NRCAM: variants seen among roughly 807,000 people sequenced by gnomAD.
NRCAM encodes the protein NgCAM-related cell adhesion molecule.
In NRCAM, 83 loss-of-function variants were observed where a neutral mutation model predicts 156.5. That is an observed-to-expected ratio of 0.53 (90% CI 0.44 to 0.64). The LOEUF (loss-of-function observed/expected upper bound fraction) is 0.64, where lower values mean the gene tolerates loss of function less well. Among genes scored for constraint, NRCAM ranks in the 30% least tolerant of loss-of-function variants. NRCAM has a pLI of 0.00. For missense variants in NRCAM, 1,417 were observed against 1,597.3 expected, an observed-to-expected ratio of 0.89 and a Z score of 1.92; for synonymous variants, 538 against 563.9, an observed-to-expected ratio of 0.95 and a Z score of 0.65.
intron 12 of NRCAM, among the ~76,000 whole-genome samples, chr7:108,208,139 CAAAA>C (rs10616664): frequency 1.2e-4 from 17 of 140,416 alleles, no homozygotes; most frequent in African/African-American, 2.4e-4. Flanking sequence ...ATTAAAAATA[CAAAA>C]AAAAAAAAAA....
At chr7:108,337,961 C>T (rs1225424143) in intron 2 of NRCAM, among the ~76,000 whole-genome samples, 2 of 152,186 alleles carry the variant, frequency 1.3e-5, no homozygotes, top group African/African-American at 4.8e-5. Context: ...CGGTTAAAAA[C>T]GATTAGCGTG....
At chr7:108,424,088 C>A (rs970456335) in intron 1 of NRCAM, among the ~76,000 whole-genome samples, 11 of 152,194 alleles carry the variant, frequency 7.2e-5, no homozygotes, top group African/African-American at 2.4e-4. Context: ...CTCTTTGAGC[C>A]CACCGACCTT....
intron 20 of NRCAM, among the ~76,000 whole-genome samples, chr7:108,188,399 G>GTA (rs1554530060): frequency 1.7e-4 from 17 of 101,324 alleles, no homozygotes; most frequent in East Asian, 1.1e-3. Flanking sequence ...GTGTGTGTGT[G>GTA]TATATATACA....
In NRCAM at chr7:108,195,791, A is replaced by T; in HGVS notation, c.1433T>A (p.Phe478Tyr). 6.2e-7 allele frequency: 1 copy of T among 1,612,344 alleles called. No individual in the cohort carries two copies. Among genetic ancestry groups the T allele is most frequent in the Non-Finnish European group, 8.5e-7 (1 of 1,178,552 alleles). ...GATGGTTGGGAGAGGAGACCCAAAG[A>T]AGGCACAGTCTAGTAAAGCAGGCCT... ...ANRPALLDCA[F>Y]FGSPLPTIEW... Residue 478 changes from phenylalanine to tyrosine, a missense_variant, in exon 15 of 33, where the codon TTC becomes TAC. Phe to Tyr is a conservative substitution (Grantham distance 22). This residue lies in a region of NRCAM where 1,238 missense variants were observed against 1,336.4 expected (regional missense o/e 0.93). Transcript: ENST00000379028.
At chr7:108,294,315 GCCC>G (rs2098408846) in intron 3 of NRCAM, among the ~76,000 whole-genome samples, 1 of 144,512 alleles carries the variant, frequency 6.9e-6, no homozygotes, top group African/African-American at 2.5e-5. Context: ...ATGGGCTCCT[GCCC>G]AGAAGGGCTA....
At position 108,184,457 on chromosome 7, in the gene NRCAM, C is replaced by T; in HGVS notation, c.2193G>A (p.Leu731=). ...AATACTGCTCAGACGCCTCGCTGGG[C>T]AAGCTCTTCCCAATGCTGTTCACTG... ...VMAVNSIGKS[L]PSEASEQYLT... Residue 731 remains leucine, a synonymous_variant, in exon 21 of 33, where the codon TTG becomes TTA. Coordinates refer to ENST00000379028, the MANE Select transcript of NRCAM (RefSeq NM_001037132.4). 6.2e-7 allele frequency: 1 copy of T among 1,614,194 alleles called. No homozygotes were observed. The highest frequency in any genetic ancestry group is 1.1e-5 in the South Asian group (1 of 91,084).
chr7:108,158,990 C>G (rs1287853040), intron 32 of NRCAM, among the ~76,000 whole-genome samples: 1 of 152,138 alleles, frequency 6.6e-6, no homozygotes, highest in Non-Finnish European at 1.5e-5. Context: ...ACAATCTAGT[C>G]ACCATTTCAT....
rs1283157120 is a variant in NRCAM at position 108,148,874 on chromosome 7, T to C, written c.*1036A>G. ...TCAGTTGGCAACAAAGATTTTCTTT[T>C]TATGCTTATGAGGAAATGCTATTTC... On this transcript the variant is annotated 3_prime_UTR_variant, in exon 33 of 33. Coordinates refer to ENST00000379028, the MANE Select transcript of NRCAM (RefSeq NM_001037132.4). The C allele has an allele frequency of 1.3e-5, 2 of 152,616 alleles. No individual in the cohort carries two copies. Among genetic ancestry groups the C allele is most frequent in the Non-Finnish European group, 2.9e-5 (2 of 68,046 alleles). The allele number at this position is 152,616 out of a possible 1,614,324, so 9.5% of individuals were successfully genotyped here. A position where few individuals can be genotyped will look rare whatever the true frequency, so the allele number is the denominator to read the frequency against.
At chr7:108,293,892 C>T (rs553115344) in intron 3 of NRCAM, among the ~76,000 whole-genome samples, 5 of 152,280 alleles carry the variant, frequency 3.3e-5, no homozygotes, top group African/African-American at 1.2e-4. Flanking sequence ...GCTCTTTCCA[C>T]TATCACACAT....
chr7:108,204,397 C>G (rs1157940557), intron 13 of NRCAM, among the ~76,000 whole-genome samples: 2 of 152,234 alleles, frequency 1.3e-5, no homozygotes, highest in Non-Finnish European at 2.9e-5. Context: ...AGGGGCAGGG[C>G]ACAGCTGTAC....
chr7:108,196,192 A>G (rs1424159333), intron 14 of NRCAM, among the ~76,000 whole-genome samples: 2 of 152,226 alleles, frequency 1.3e-5, no homozygotes, highest in African/African-American at 4.8e-5. Context: ...ACAGCCAAGT[A>G]TATTTTTGTT....
intron 32 of NRCAM, among the ~76,000 whole-genome samples, chr7:108,152,023 G>A (rs1437237719): frequency 1.3e-5 from 2 of 152,128 alleles, no homozygotes; most frequent in Admixed American, 1.3e-4. Context: ...GATTGTTCTC[G>A]GCACTGGGAA....
At chr7:108,455,904 C>T (rs1296699268) in intron 1 of NRCAM, among the ~76,000 whole-genome samples, 3 of 152,184 alleles carry the variant, frequency 2.0e-5, no homozygotes, top group Admixed American at 6.5e-5. Flanking sequence ...GGCAGGGCTT[C>T]CCGGAAAGCG....
At chr7:108,284,507 C>T (rs374519579) in intron 3 of NRCAM, among the ~76,000 whole-genome samples, 4 of 152,150 alleles carry the variant, frequency 2.6e-5, no homozygotes, top group South Asian at 4.2e-4. Flanking sequence ...CAGGGCCCTG[C>T]GGTTCCCAAG....
intron 2 of NRCAM, among the ~76,000 whole-genome samples, chr7:108,385,928 AG>A (rs1328152855): frequency 6.6e-6 from 1 of 151,052 alleles, no homozygotes; most frequent in Non-Finnish European, 1.5e-5. Context: ...GGAGGGAGGG[AG>A]AGAGGGAAAG....
At chr7:108,345,368 G>A (rs188177460) in intron 2 of NRCAM, among the ~76,000 whole-genome samples, 2 of 152,208 alleles carry the variant, frequency 1.3e-5, no homozygotes, top group East Asian at 3.9e-4. Context: ...CTAGAAATAA[G>A]GAAAACCTAT....
chr7:108,427,266 T>G (rs4730314), intron 1 of NRCAM, among the ~76,000 whole-genome samples: 136,748 of 152,134 alleles, frequency 0.9, 61,940 homozygotes, highest in East Asian at 1. Context: ...GCTTAATTAA[T>G]GAACAATACA....
Position 108,232,451 on chromosome 7 carries a change from G to T in NRCAM, c.302C>A (p.Thr101Lys). Residue 101 changes from threonine (T) to lysine (K), a missense_variant, in exon 7 of 33, where the codon ACA becomes AAA. By Grantham distance (78) the Thr-to-Lys change is moderately conservative. Around this residue, in one of 2 missense-constraint regions of NRCAM, gnomAD observed 1,238 missense variants for 1,336.4 expected, o/e 0.93. Coordinates refer to ENST00000379028, the MANE Select transcript of NRCAM (RefSeq NM_001037132.4). ...KDPLVTMKPG[T>K]GTLIINIMSE... is the part of the protein sequence containing the mutation. ...CATGATGTTAATTATGAGCGTTCCT[G>T]TGCCAGGCTTCATGGTGACCAGAGG... 1.9e-6 allele frequency: 3 copies of T among 1,613,590 alleles called. No individual in the cohort carries two copies. Among genetic ancestry groups the T allele is most frequent in the Non-Finnish European group, 2.5e-6 (3 of 1,179,694 alleles).
chr7:108,239,031 T>TA (rs1389470790), intron 4 of NRCAM, among the ~76,000 whole-genome samples: 6 of 152,116 alleles, frequency 3.9e-5, no homozygotes, highest in Non-Finnish European at 8.8e-5. Flanking sequence ...GCCAAACAGA[T>TA]ATTCTATTCA....
Sources: allele counts gnomAD v4.1 joint callset (sites outside exome capture counted in the v4.1 genomes callset), GRCh38; gene constraint gnomAD v4.1.1; regional missense constraint gnomAD v4.1.1; transcripts MANE v1.5; gene names NCBI Gene and HGNC (gene_info 2026-07-23, HGNC 2026-07-21).